The following ATF6 variants were observed in gnomAD, a reference collection of about 807,000 sequenced individuals.
ATF6 encodes the protein cyclic AMP-dependent transcription factor ATF-6 alpha.
In ATF6, 53 loss-of-function variants were observed where a neutral mutation model predicts 83.6. The ratio of observed to expected loss-of-function variants is 0.63; its 90% CI spans 0.51 to 0.80. The LOEUF is 0.80. Among genes scored for constraint, ATF6 ranks in the 30% least tolerant of loss-of-function variants. The probability of loss-of-function intolerance (pLI) is 0.00; values close to 1 mark genes in which losing one functional copy is unlikely to be tolerated. For missense variants in ATF6, 744 were observed against 797.9 expected (o/e 0.93, Z 0.81); for synonymous variants, 288 against 285.8 (o/e 1.01, Z -0.08).
intron 14 of ATF6, among the ~76,000 whole-genome samples, chr1:161,880,168 C>T (rs1185778986): frequency 6.6e-6 from 1 of 152,032 alleles, no homozygotes; most frequent in African/African-American, 2.4e-5. Context: ...TATTATTTAA[C>T]ATAGTTTCAA....
In ATF6 at chr1:161,941,978, G is replaced by C. The variant is rs1277863684; in HGVS notation, c.1805-16468G>C. Reference sequence around the variant, plus strand: ...TCCTCTTATCTTCTTTTTTTCGGCGGGGTGGGGGGGTTTTGTTTGTTTGTT... The same window carrying C: ...TCCTCTTATCTTCTTTTTTTCGGCGCGGTGGGGGGGTTTTGTTTGTTTGTT... On this transcript the variant is annotated intron_variant, in intron 15 of 15. Coordinates refer to ENST00000367942, the MANE Select transcript of ATF6 (RefSeq NM_007348.4). Among the ~76,000 whole-genome samples the C allele has an allele frequency of 1.3e-5, 2 of 151,532 alleles. 1 individual carries two copies. The highest frequency in any genetic ancestry group is 4.9e-5 in the African/African-American group (2 of 41,236).
intron 15 of ATF6, among the ~76,000 whole-genome samples, chr1:161,914,010 C>T (rs1170285079): frequency 1.3e-5 from 2 of 152,086 alleles, no homozygotes; most frequent in African/African-American, 4.8e-5. Context: ...TGAAGAGGAG[C>T]CTTTCATGGA....
At position 161,816,707 on chromosome 1, in the gene ATF6, G is replaced by C. The variant is rs578072424; in HGVS notation, c.910-2926G>C. 2.0e-5 allele frequency among the ~76,000 whole-genome samples: 3 copies of C among 152,190 alleles called. No individual in the cohort carries two copies. The South Asian group carries it at 6.2e-4, about 32-fold the overall frequency. ...TGTGCTGCCATTATTGCATGTCAAAGGTCATTTTGATACACTGTATGTGCA... is the reference window on the plus strand; with the variant it reads ...TGTGCTGCCATTATTGCATGTCAAACGTCATTTTGATACACTGTATGTGCA... On this transcript the variant is annotated intron_variant, in intron 7 of 15. Coordinates refer to ENST00000367942, the MANE Select transcript of ATF6 (RefSeq NM_007348.4).
At chr1:161,813,688 ACTCT>A (rs1283156807) in intron 7 of ATF6, among the ~76,000 whole-genome samples, 13 of 152,022 alleles carry the variant, frequency 8.6e-5, no homozygotes, top group African/African-American at 3.1e-4. Context: ...TTCTGGTCTA[ACTCT>A]CTCTTTTTAC....
At chr1:161,829,756 C>T (rs1439956655) in intron 9 of ATF6, among the ~76,000 whole-genome samples, 2 of 152,074 alleles carry the variant, frequency 1.3e-5, no homozygotes. Context: ...ATTCAACAGC[C>T]CTTCATGCTA....
chr1:161,770,713 T>G (rs1226672165), intron 1 of ATF6, among the ~76,000 whole-genome samples: 1 of 152,234 alleles, frequency 6.6e-6, no homozygotes, highest in Admixed American at 6.5e-5. Flanking sequence ...CACAGTTTGC[T>G]TATCCACTTA....
In ATF6 at chr1:161,802,185, A is replaced by G. The variant is rs1685167052; in HGVS notation, c.822A>G (p.Pro274=). The stretch of plus-strand genomic sequence containing the variant: ...CTAATCACGTGGTGAATGTGGTACC[A>G]GCCCCTTCAGCGAATAGCCCAGTGA... ...QLPNHVVNVV[P]APSANSPVNG... The change falls in exon 7 of 16, where the codon CCA becomes CCG. Residue 274 remains proline, a synonymous_variant. Coordinates refer to ENST00000367942, the MANE Select transcript of ATF6 (RefSeq NM_007348.4). 1.9e-6 allele frequency: 3 copies of G among 1,613,972 alleles called. No homozygotes were observed. The South Asian group carries it at 3.3e-5, about 18-fold the overall frequency.
chr1:161,799,515 A>G (rs2101751593), intron 6 of ATF6, among the ~76,000 whole-genome samples: 1 of 152,288 alleles, frequency 6.6e-6, no homozygotes, highest in Non-Finnish European at 1.5e-5. Context: ...AATAATCTGT[A>G]TGCCAAACAC....
chr1:161,815,921 C>CA (rs1164352507), intron 7 of ATF6, among the ~76,000 whole-genome samples: 2 of 152,182 alleles, frequency 1.3e-5, no homozygotes, highest in African/African-American at 4.8e-5. Context: ...GCCTGGGTGA[C>CA]AGAGTGAGAT....
chr1:161,821,712 A>G (rs1685766862), intron 9 of ATF6, among the ~76,000 whole-genome samples: 1 of 152,212 alleles, frequency 6.6e-6, no homozygotes, highest in African/African-American at 2.4e-5. Context: ...GCTGCTGTGT[A>G]CAATGAGGCA....
chr1:161,908,965 A>G (rs1191248857), intron 14 of ATF6, among the ~76,000 whole-genome samples: 1 of 152,216 alleles, frequency 6.6e-6, no homozygotes, highest in Admixed American at 6.5e-5. Flanking sequence ...ATGCTGTTAA[A>G]AAATAACAGT....
chr1:161,917,207 A>G (rs1688117979), intron 15 of ATF6, among the ~76,000 whole-genome samples: 1 of 152,226 alleles, frequency 6.6e-6, no homozygotes, highest in South Asian at 2.1e-4. Flanking sequence ...TGCTGGGATC[A>G]TGTGGTGTGA....
intron 15 of ATF6, among the ~76,000 whole-genome samples, chr1:161,930,826 G>A (rs1447333336): frequency 6.6e-6 from 1 of 151,954 alleles, no homozygotes; most frequent in African/African-American, 2.4e-5. Flanking sequence ...CTGGAATGAC[G>A]TGAAGGAATT....
chr1:161,815,385 C>T (rs2101776333), intron 7 of ATF6, among the ~76,000 whole-genome samples: 1 of 151,222 alleles, frequency 6.6e-6, no homozygotes. Flanking sequence ...GAGACGAGGT[C>T]TTCCTATGTT....
At chr1:161,910,822 T>TA (rs1173438186) in intron 14 of ATF6, among the ~76,000 whole-genome samples, 1 of 152,114 alleles carries the variant, frequency 6.6e-6, no homozygotes, top group Admixed American at 6.5e-5. Flanking sequence ...ACAATGCACT[T>TA]AAAAAAACAA....
At chr1:161,835,553 T>A (rs765025467) in intron 9 of ATF6, among the ~76,000 whole-genome samples, 2 of 152,228 alleles carry the variant, frequency 1.3e-5, no homozygotes, top group African/African-American at 2.4e-5. Context: ...GTTTTGTATT[T>A]CTTTCTTCCT....
intron 14 of ATF6, among the ~76,000 whole-genome samples, chr1:161,894,271 G>T: frequency 6.9e-6 from 1 of 145,890 alleles, no homozygotes; most frequent in East Asian, 2.0e-4. Context: ...AACTTATTTT[G>T]GAATTAAGTA....
chr1:161,880,437 A>T (rs1687297849), intron 14 of ATF6, among the ~76,000 whole-genome samples: 1 of 151,684 alleles, frequency 6.6e-6, no homozygotes, highest in Non-Finnish European at 1.5e-5. Flanking sequence ...TTTGTTTCTC[A>T]TGCCCCTTTG....
chr1:161,778,623 G>A (rs1255551387), intron 2 of ATF6, among the ~76,000 whole-genome samples: 1 of 152,100 alleles, frequency 6.6e-6, no homozygotes, highest in African/African-American at 2.4e-5. Context: ...GAATTGGCAG[G>A]TGACTTTGGA....
Sources: allele counts gnomAD v4.1 joint callset (sites outside exome capture counted in the v4.1 genomes callset), GRCh38; gene constraint gnomAD v4.1.1; transcripts MANE v1.5; gene names NCBI Gene and HGNC (gene_info 2026-07-23, HGNC 2026-07-21).